Variants in ARFGEF1 observed in about 807,000 individuals in gnomAD.
The protein encoded by ARFGEF1 is brefeldin A-inhibited guanine nucleotide-exchange protein 1.
ARFGEF1 carries 42 observed loss-of-function variants against 231.0 expected under a neutral mutation model. That is an observed-to-expected ratio of 0.18 (90% CI 0.14 to 0.24). ARFGEF1 has a LOEUF of 0.24. Among genes scored for constraint, ARFGEF1 ranks in the 10% least tolerant of loss-of-function variants. The probability of loss-of-function intolerance (pLI) is 1.00; values close to 1 mark genes in which losing one functional copy is unlikely to be tolerated. For synonymous variants in ARFGEF1, 710 were observed against 732.3 expected (o/e 0.97, Z 0.49); for missense variants, 1,345 against 2,192.0 (o/e 0.61, Z 7.72).
At chr8:67,211,366 GAA>G (rs149755855) in intron 34 of ARFGEF1, 115 bp downstream of exon 34, 1 of 341,574 alleles carries the variant, frequency 2.9e-6, no homozygotes, top group African/African-American at 2.8e-5. Context: ...AAAAAAAAAA[GAA>G]GTGATGACAC....
chr8:67,202,087 T>C (rs1219528731), intron 36 of ARFGEF1, among the ~76,000 whole-genome samples: 1 of 152,088 alleles, frequency 6.6e-6, no homozygotes, highest in Non-Finnish European at 1.5e-5. Context: ...TTTCCAGAAG[T>C]TAGGTTGTAA....
rs372648470 is a variant in ARFGEF1, at chr8:67,305,251, T to C, written c.125-2785A>G. On this transcript the variant is annotated intron_variant, in intron 1 of 38. Coordinates refer to ENST00000262215, the MANE Select transcript of ARFGEF1 (RefSeq NM_006421.5). ...GTGAACAGAAGCCTACCATAAGTTT[T>C]TGTGCAGCCCACGAGTGGAAGAACA... Among the ~76,000 whole-genome samples, 20 of 152,288 alleles carry C rather than the reference T, an allele frequency of 1.3e-4. 1 individual carries two copies. The highest frequency in any genetic ancestry group is 4.3e-4 in the African/African-American group (18 of 41,574).
At chr8:67,174,657 TG>T (rs1831181457), downstream of ARFGEF1, 1 of 151,894 alleles carries the variant, frequency 6.6e-6, no homozygotes, top group South Asian at 2.1e-4. Flanking sequence ...CCCAGCTACT[TG>T]GGAGACTGAG....
chr8:67,330,329 G>A (rs1236292007), intron 1 of ARFGEF1, among the ~76,000 whole-genome samples: 1 of 152,002 alleles, frequency 6.6e-6, no homozygotes, highest in Non-Finnish European at 1.5e-5. Flanking sequence ...ACTTTTTAAG[G>A]AAAGAATGTG....
chr8:67,320,937 T>C (rs117638185), intron 1 of ARFGEF1, among the ~76,000 whole-genome samples: 293 of 151,818 alleles, frequency 1.9e-3, no homozygotes, highest in Non-Finnish European at 1.5e-3. Context: ...GCCTGGGCAA[T>C]AGAGTGAGAT....
At chr8:67,217,395 T>C (rs994852772) in intron 32 of ARFGEF1, among the ~76,000 whole-genome samples, 2 of 151,516 alleles carry the variant, frequency 1.3e-5, no homozygotes, top group African/African-American at 4.9e-5. Context: ...ATACGAAATA[T>C]AGTATGTGTA....
chr8:67,242,137 T>C (rs1343575433), intron 19 of ARFGEF1, among the ~76,000 whole-genome samples: 1 of 152,174 alleles, frequency 6.6e-6, no homozygotes, highest in Non-Finnish European at 1.5e-5. Context: ...AAAGTCAGTC[T>C]AGGCCACAAG....
chr8:67,180,000 G>T, intron 5 of ARFGEF1: 1 of 779,312 alleles, frequency 1.3e-6, no homozygotes, highest in East Asian at 2.6e-5. Flanking sequence ...AACCAGTACT[G>T]TATTCCTTGT....
intron 9 of ARFGEF1, among the ~76,000 whole-genome samples, chr8:67,274,084 A>G (rs1805212358): frequency 6.6e-6 from 1 of 152,174 alleles, no homozygotes; most frequent in Non-Finnish European, 1.5e-5. Context: ...TACTGTGTAC[A>G]AGGCAATAAT....
intron 5 of ARFGEF1, among the ~76,000 whole-genome samples, chr8:67,178,406 C>T (rs1339689886): frequency 6.6e-6 from 1 of 152,132 alleles, no homozygotes; most frequent in African/African-American, 2.4e-5. Context: ...TTCCTATGGA[C>T]AAGAAACTGT....
intron 5 of ARFGEF1, among the ~76,000 whole-genome samples, chr8:67,295,703 G>C (rs959139510): frequency 6.6e-6 from 1 of 152,136 alleles, no homozygotes; most frequent in African/African-American, 2.4e-5. Context: ...TAAAACATTA[G>C]TGGGAAAATT....
At chr8:67,217,691 C>G in intron 32 of ARFGEF1, 91 bp downstream of exon 32, 1 of 1,338,268 alleles carries the variant, frequency 7.5e-7, no homozygotes. Context: ...TATGAGAAAT[C>G]AGTAGTCACT....
Position 67,259,911 on chromosome 8 carries a change from T to G in ARFGEF1, c.2139A>C (p.Pro713=). Reference sequence around the variant, plus strand: ...CTTGGAGGTACTGTATTCCTCTCTTTGGTTTCTTATTAAATCTAGATGATG... The same window carrying G: ...CTTGGAGGTACTGTATTCCTCTCTTGGGTTTCTTATTAAATCTAGATGATG... ...EQGIDLFNKK[P]KRGIQYLQEQ... Residue 713 remains proline (P), a synonymous_variant, in exon 15 of 39, where the codon CCA becomes CCC. Transcript: ENST00000262215. 6.2e-7 allele frequency: 1 copy of G among 1,605,504 alleles called. No individual in the cohort carries two copies. Among genetic ancestry groups the G allele is most frequent in the Non-Finnish European group, 8.5e-7 (1 of 1,175,284 alleles).
chr8:67,218,150 A>T lies in ARFGEF1; in HGVS notation c.4339-12T>A. On this transcript the variant is annotated splice_polypyrimidine_tract_variant and intron_variant, in intron 30 of 38. Coordinates refer to ENST00000262215, the MANE Select transcript of ARFGEF1 (RefSeq NM_006421.5). ...ATCCATTCAGCTTTCTGGGGAAAAA[A>T]GTCATTAATGAACATCACGCCATTA... The T allele has an allele frequency of 1.4e-6, 2 of 1,421,326 alleles. No homozygotes were observed. Among genetic ancestry groups the T allele is most frequent in the Non-Finnish European group, 1.9e-6 (2 of 1,080,400 alleles). 88.0% of individuals were successfully genotyped at this position (1,421,326 alleles called of 1,614,324 possible).
intron 19 of ARFGEF1, 104 bp downstream of exon 19, chr8:67,251,195 A>G: frequency 9.2e-7 from 1 of 1,090,738 alleles, no homozygotes; most frequent in South Asian, 2.4e-5. Flanking sequence ...ATATGTCTAC[A>G]CTAATGTGTT....
At position 67,267,348 on chromosome 8, in the gene ARFGEF1, C is replaced by T. The variant is rs149585401; in HGVS notation, c.1667G>A (p.Cys556Tyr). ...WMVIQTLTRI[C>Y]ADAQSVVDIY... ...AAAAGGATAATTTAAAATACCTGCACAAATCCTCGTCAGTGTCTGAATAAC... is the reference window on the plus strand; with the variant it reads ...AAAAGGATAATTTAAAATACCTGCATAAATCCTCGTCAGTGTCTGAATAAC... Residue 556 changes from cysteine (C) to tyrosine (Y), a missense_variant, in exon 11 of 39, where the codon TGT (cysteine) becomes TAT (tyrosine). Cys to Tyr is a radical substitution (Grantham distance 194). Transcript: ENST00000262215. 12 of 1,607,886 alleles carry T rather than the reference C, an allele frequency of 7.5e-6. No individual in the cohort carries two copies. Among genetic ancestry groups the T allele is most frequent in the Non-Finnish European group, 8.5e-7 (1 of 1,177,886 alleles).
chr8:67,211,625 A>T lies in ARFGEF1; in HGVS notation c.4687-10T>A, dbSNP rs770060400. On this transcript the variant is annotated splice_polypyrimidine_tract_variant and intron_variant, in intron 33 of 38. Coordinates refer to ENST00000262215, the MANE Select transcript of ARFGEF1 (RefSeq NM_006421.5). ...TCTGTGATATTGTATCCTAATAAAT[A>T]AAAAAAAAATCACTGTAAGTATGGT... is the stretch of plus-strand genomic sequence containing the variant. The T allele has an allele frequency of 1.6e-5, 19 of 1,157,556 alleles. No individual in the cohort carries two copies. Among genetic ancestry groups the T allele is most frequent in the Admixed American group, 9.2e-5 (3 of 32,702 alleles). The allele number at this position is 1,157,556 out of a possible 1,614,324, so 71.7% of individuals were successfully genotyped here. A position where few individuals can be genotyped will look rare whatever the true frequency, so the allele number is the denominator to read the frequency against.
At chr8:67,286,220 T>C (rs1805751624) in intron 7 of ARFGEF1, among the ~76,000 whole-genome samples, 1 of 152,202 alleles carries the variant, frequency 6.6e-6, no homozygotes, top group South Asian at 2.1e-4. Context: ...ATACATTATG[T>C]GCATGGTATT....
chr8:67,299,181 T>A, intron 4 of ARFGEF1, 28 bp downstream of exon 4: 1 of 1,495,474 alleles, frequency 6.7e-7, no homozygotes, highest in Non-Finnish European at 8.9e-7. Context: ...AGATTATTAA[T>A]AACAATTTTA....
Sources: gnomAD v4.1 joint callset for allele counts (sites outside exome capture counted in the v4.1 genomes callset) on GRCh38, gnomAD v4.1.1 for gene constraint, MANE v1.5 for transcripts, NCBI Gene and HGNC (gene_info 2026-07-23, HGNC 2026-07-21) for gene names.